CHRM3: variants seen among roughly 807,000 people sequenced by gnomAD.
CHRM3 encodes the protein cholinergic receptor muscarinic 3, also known as muscarinic acetylcholine receptor M3.
In CHRM3, 11 loss-of-function variants were observed where a neutral mutation model predicts 41.8. The observed-to-expected ratio is 0.26, with a 90% CI of 0.17 to 0.44. The LOEUF is 0.44. Ranked by LOEUF, CHRM3 falls within the 20% of genes least tolerant of loss-of-function variation. The pLI, the probability that CHRM3 is intolerant of heterozygous loss-of-function variation, is 1.00. For synonymous variants in CHRM3, 297 were observed against 301.4 expected (o/e 0.99, Z 0.15); for missense variants, 571 against 745.4 (o/e 0.77, Z 2.72).
At chr1:239,477,974 G>A (rs1666578065) in intron 1 of CHRM3, among the ~76,000 whole-genome samples, 1 of 152,202 alleles carries the variant, frequency 6.6e-6, no homozygotes, top group Admixed American at 6.5e-5. Context: ...GGGTAGTACT[G>A]AGAAGGTGCA....
intron 3 of CHRM3, among the ~76,000 whole-genome samples, chr1:239,618,768 C>T (rs1243131510): frequency 2.2e-4 from 32 of 145,142 alleles, no homozygotes; most frequent in Admixed American, 9.0e-4. Flanking sequence ...GGCGTGAACC[C>T]GGGAGGCGGA....
At chr1:239,658,447 G>A (rs1007664004) in intron 4 of CHRM3, among the ~76,000 whole-genome samples, 2 of 152,194 alleles carry the variant, frequency 1.3e-5, no homozygotes, top group Non-Finnish European at 2.9e-5. Flanking sequence ...TGCAACATGA[G>A]GCCAGGGAGT....
At chr1:239,659,636 A>C (rs949363734) in intron 4 of CHRM3, among the ~76,000 whole-genome samples, 8 of 152,244 alleles carry the variant, frequency 5.3e-5, no homozygotes, top group Admixed American at 5.2e-4. Context: ...AATTGGAAAT[A>C]GTCACACTTG....
intron 5 of CHRM3, among the ~76,000 whole-genome samples, chr1:239,734,123 C>T (rs1278640460): frequency 2.6e-5 from 4 of 152,054 alleles, no homozygotes; most frequent in African/African-American, 9.7e-5. Flanking sequence ...AGGCAACCAA[C>T]CTAATAGCAA....
chr1:239,642,989 G>A (rs192009381), intron 4 of CHRM3, among the ~76,000 whole-genome samples: 9 of 152,302 alleles, frequency 5.9e-5, no homozygotes, highest in Admixed American at 5.9e-4. Flanking sequence ...TAACAGACAG[G>A]ACCCTCAGCT....
rs1414341088 is a variant in CHRM3, at chr1:239,387,951, A to T, written c.-521+724A>T. On this transcript the variant is annotated intron_variant, in intron 1 of 6. Transcript: ENST00000676153. The surrounding 1 kb of genome is among the most constrained non-coding windows in gnomAD (Gnocchi z 5.1). ...TCCTCAGCATAGCCTCCTAATAGCG[A>T]GGTTAATTTTTGCGTGTTTTTAAAC... 6.6e-6 allele frequency among the ~76,000 whole-genome samples: 1 copy of T among 151,858 alleles called. No homozygotes were observed. Among genetic ancestry groups the T allele is most frequent in the African/African-American group, 2.4e-5 (1 of 41,314 alleles).
chr1:239,877,834 G>C (rs1294501066), intron 6 of CHRM3, among the ~76,000 whole-genome samples: 3 of 151,922 alleles, frequency 2.0e-5, no homozygotes, highest in East Asian at 3.9e-4. Flanking sequence ...AGGAGAGGAG[G>C]GGGTGGTTTC....
At chr1:239,502,811 C>T (rs1668324182) in intron 2 of CHRM3, among the ~76,000 whole-genome samples, 1 of 152,176 alleles carries the variant, frequency 6.6e-6, no homozygotes, top group African/African-American at 2.4e-5. Flanking sequence ...ACAAAAATCA[C>T]ATGATCATCT....
At chr1:239,669,689 A>G (rs1421930710) in intron 4 of CHRM3, among the ~76,000 whole-genome samples, 3 of 152,218 alleles carry the variant, frequency 2.0e-5, no homozygotes, top group Admixed American at 6.5e-5. Context: ...CCAGGGGATA[A>G]TAACGTGGAA....
At chr1:239,851,048 A>G (rs1249365198) in intron 6 of CHRM3, among the ~76,000 whole-genome samples, 1 of 152,138 alleles carries the variant, frequency 6.6e-6, no homozygotes, top group Non-Finnish European at 1.5e-5. Context: ...GAAGCTACAG[A>G]AAAAATGAGA....
intron 1 of CHRM3, among the ~76,000 whole-genome samples, chr1:239,412,155 T>C (rs1353205054): frequency 6.6e-6 from 1 of 150,772 alleles, no homozygotes; most frequent in Non-Finnish European, 1.5e-5. Flanking sequence ...TCTTTTTGTA[T>C]TATTTTTTGG....
intron 5 of CHRM3, among the ~76,000 whole-genome samples, chr1:239,717,647 A>G (rs1662520749): frequency 6.6e-6 from 1 of 152,034 alleles, no homozygotes. Flanking sequence ...GGGTGCTTAT[A>G]TAATCTGCTT....
At chr1:239,446,059 T>TC (rs1664110114) in intron 1 of CHRM3, among the ~76,000 whole-genome samples, 1 of 151,978 alleles carries the variant, frequency 6.6e-6, no homozygotes, top group East Asian at 1.9e-4. Context: ...TGCCTCAGCC[T>TC]CTGAGTAGCT....
chr1:239,436,601 C>A (rs1663290687), intron 1 of CHRM3, among the ~76,000 whole-genome samples: 1 of 151,988 alleles, frequency 6.6e-6, no homozygotes, highest in South Asian at 2.1e-4. Context: ...GATAGTCACC[C>A]ATCCTTATTT....
chr1:239,875,644 C>T (rs1255174087), intron 6 of CHRM3, among the ~76,000 whole-genome samples: 1 of 152,146 alleles, frequency 6.6e-6, no homozygotes, highest in African/African-American at 2.4e-5. Context: ...GTATTGACAA[C>T]GATTTACGTA....
chr1:239,484,975 T>C (rs1299432940), intron 1 of CHRM3, among the ~76,000 whole-genome samples: 4 of 152,214 alleles, frequency 2.6e-5, no homozygotes, highest in African/African-American at 9.6e-5. Flanking sequence ...GCCTATACTT[T>C]CACCAGTCTA....
intron 3 of CHRM3, among the ~76,000 whole-genome samples, chr1:239,552,609 A>G (rs1197780274): frequency 1.4e-5 from 2 of 144,910 alleles, no homozygotes; most frequent in Non-Finnish European, 3.0e-5. Flanking sequence ...CTACAGGCTC[A>G]TGCTCCACAC....
At chr1:239,484,747 T>C (rs927577863) in intron 1 of CHRM3, among the ~76,000 whole-genome samples, 1 of 152,078 alleles carries the variant, frequency 6.6e-6, no homozygotes, top group Non-Finnish European at 1.5e-5. Context: ...AGGACAGTGG[T>C]GGGCATTGTG....
chr1:239,496,401 A>G (rs1003890025), intron 2 of CHRM3, among the ~76,000 whole-genome samples: 1 of 152,064 alleles, frequency 6.6e-6, no homozygotes, highest in Admixed American at 6.6e-5. Context: ...TATAATATCT[A>G]TCTTGCAGAT....
Sources: allele counts gnomAD v4.1 joint callset (sites outside exome capture counted in the v4.1 genomes callset), GRCh38; gene constraint gnomAD v4.1.1; non-coding constraint Gnocchi (gnomAD v3.1); transcripts MANE v1.5; gene names NCBI Gene and HGNC (gene_info 2026-07-23, HGNC 2026-07-21).